CADPS2: variants seen among roughly 807,000 people sequenced by gnomAD.
CADPS2 encodes calcium dependent secretion activator 2.
A neutral mutation model predicts 172.5 loss-of-function variants in CADPS2; 93 were observed. The ratio of observed to expected loss-of-function variants is 0.54; its 90% CI spans 0.46 to 0.64. CADPS2 has a LOEUF of 0.64. CADPS2 is among the 30% of genes least tolerant of loss of function. CADPS2 has a pLI of 0.00. For synonymous variants in CADPS2, 546 were observed against 555.2 expected, an observed-to-expected ratio of 0.98 and a Z score of 0.23; for missense variants, 1,420 against 1,565.9, an observed-to-expected ratio of 0.91 and a Z score of 1.57.
intron 1 of CADPS2, among the ~76,000 whole-genome samples, chr7:122,742,126 C>G (rs1400586628): frequency 6.6e-6 from 1 of 152,146 alleles, no homozygotes; most frequent in Non-Finnish European, 1.5e-5. Context: ...CGCAGCGGCT[C>G]ATGCCTGTAA....
At chr7:122,491,026 A>G (rs979162675) in intron 10 of CADPS2, among the ~76,000 whole-genome samples, 5 of 152,198 alleles carry the variant, frequency 3.3e-5, no homozygotes, top group African/African-American at 1.2e-4. Context: ...TTTCCCGCAA[A>G]GAAGTTTCTG....
intron 3 of CADPS2, among the ~76,000 whole-genome samples, chr7:122,632,982 T>C (rs779642584): frequency 6.6e-6 from 1 of 152,054 alleles, no homozygotes; most frequent in Non-Finnish European, 1.5e-5. Flanking sequence ...TTTTTGTTGA[T>C]TTTATCAAAG....
At chr7:122,775,401 GT>G (rs1023735252) in intron 1 of CADPS2, among the ~76,000 whole-genome samples, 6 of 152,156 alleles carry the variant, frequency 3.9e-5, no homozygotes, top group Non-Finnish European at 8.8e-5. Flanking sequence ...ATCCCAAAGG[GT>G]GATTCAAGGT....
chr7:122,765,500 T>C (rs1159716575), intron 1 of CADPS2, among the ~76,000 whole-genome samples: 2 of 152,242 alleles, frequency 1.3e-5, no homozygotes, highest in Middle Eastern at 3.4e-3. Context: ...TCTAAAGGAC[T>C]ATGGTATCAA....
intron 25 of CADPS2, among the ~76,000 whole-genome samples, chr7:122,362,182 T>C (rs1002098662): frequency 6.6e-6 from 1 of 152,302 alleles, no homozygotes; most frequent in East Asian, 1.9e-4. Context: ...TATGACACAA[T>C]GGCTGACATT....
intron 25 of CADPS2, among the ~76,000 whole-genome samples, chr7:122,369,396 G>T (rs949372481): frequency 1.3e-5 from 2 of 152,086 alleles, no homozygotes; most frequent in African/African-American, 2.4e-5. Flanking sequence ...CTCCCAAAGT[G>T]CTGGGATTAC....
intron 17 of CADPS2, among the ~76,000 whole-genome samples, chr7:122,419,705 G>T (rs930688779): frequency 6.6e-6 from 1 of 151,724 alleles, no homozygotes; most frequent in African/African-American, 2.4e-5. Flanking sequence ...CATAAATATT[G>T]CACTTATATA....
At chr7:122,533,928 T>C (rs1226175549) in intron 8 of CADPS2, among the ~76,000 whole-genome samples, 1 of 152,104 alleles carries the variant, frequency 6.6e-6, no homozygotes, top group Non-Finnish European at 1.5e-5. Context: ...TAATGGGGTG[T>C]ATGAGAGAAC....
intron 11 of CADPS2, among the ~76,000 whole-genome samples, chr7:122,483,411 C>A (rs545943891): frequency 2.6e-5 from 4 of 151,672 alleles, no homozygotes; most frequent in African/African-American, 9.7e-5. Flanking sequence ...TACTTTTTTT[C>A]GTATATAAAG....
chr7:122,760,526 C>A (rs2093341731), intron 1 of CADPS2, among the ~76,000 whole-genome samples: 1 of 151,916 alleles, frequency 6.6e-6, no homozygotes, highest in African/African-American at 2.4e-5. Context: ...AAATCCTAAC[C>A]TGATAATGTA....
chr7:122,429,961 C>T (rs756324304), intron 17 of CADPS2, among the ~76,000 whole-genome samples: 5 of 151,814 alleles, frequency 3.3e-5, no homozygotes, highest in Non-Finnish European at 7.4e-5. Context: ...TTATTGCTAT[C>T]GTGTACAATG....
chr7:122,422,207 G>T (rs886333545), intron 17 of CADPS2: 7 of 152,212 alleles, frequency 4.6e-5, no homozygotes, highest in African/African-American at 1.7e-4. Context: ...CAATAGCAGG[G>T]ATATGAGCAC....
rs115222540 is a variant in CADPS2, at chr7:122,403,429, T to C, written c.2746+4111A>G. ...TAAAATAAAAGCCAAGACCTAGACTTACCCTCAAAACTGAGTGCTCAAAAG... is the reference window on the plus strand; with the variant it reads ...TAAAATAAAAGCCAAGACCTAGACTCACCCTCAAAACTGAGTGCTCAAAAG... On this transcript the variant is annotated intron_variant, in intron 20 of 29. Coordinates refer to ENST00000449022, the MANE Select transcript of CADPS2 (RefSeq NM_017954.11). Among the ~76,000 whole-genome samples the C allele has an allele frequency of 7.0e-3, 1,065 of 152,298 alleles. 13 individuals are homozygous for C. The highest frequency in any genetic ancestry group is 0.025 in the African/African-American group (1,028 of 41,564).
At chr7:122,574,078 G>T (rs2132608718) in intron 7 of CADPS2, among the ~76,000 whole-genome samples, 1 of 152,064 alleles carries the variant, frequency 6.6e-6, no homozygotes, top group South Asian at 2.1e-4. Flanking sequence ...CGGTATTTTT[G>T]AAATTATTTA....
chr7:122,622,173 G>A (rs150186715), intron 4 of CADPS2, among the ~76,000 whole-genome samples: 149 of 152,180 alleles, frequency 9.8e-4, no homozygotes, highest in African/African-American at 3.4e-3. Context: ...ACAGATATGC[G>A]TTGTTGGAAG....
chr7:122,430,941 G>A (rs757627943), intron 17 of CADPS2, among the ~76,000 whole-genome samples: 1 of 152,196 alleles, frequency 6.6e-6, no homozygotes, highest in Non-Finnish European at 1.5e-5. Context: ...GCAGCACACT[G>A]AATTACAAAA....
chr7:122,736,968 C>T lies in CADPS2; in HGVS notation c.440G>A (p.Arg147Gln), dbSNP rs187155107. 3 of 1,600,538 alleles carry T rather than the reference C, an allele frequency of 1.9e-6. No homozygotes were observed. The highest frequency in any genetic ancestry group is 1.1e-5 in the South Asian group (1 of 90,696). ...VADEAFCNAV[R>Q]SYYEVFLKSD... ...CTTCAAACTTACCTCATAATAACTCCGAACTGCGTTGCAAAATGCTTCGTC... is the reference window on the plus strand; with the variant it reads ...CTTCAAACTTACCTCATAATAACTCTGAACTGCGTTGCAAAATGCTTCGTC... Residue 147 changes from arginine (R) to glutamine (Q), a missense_variant, in exon 2 of 30, where the codon CGG (arginine) becomes CAG (glutamine). Transcript: ENST00000449022.
chr7:122,393,251 G>C lies in CADPS2; in HGVS notation c.2953C>G (p.Pro985Ala). The stretch of plus-strand genomic sequence containing the variant: ...GCAGTAGAAATGTTAGGAATCTGTG[G>C]AAGATTAAGAGGCAGACTTGGAACT... ...PKVPSLPLNL[P>A]QIPNISTASW... The change falls in exon 22 of 30, where the codon CCA (proline) becomes GCA (alanine). Residue 985 changes from proline to alanine, a missense_variant. By Grantham distance (27) the Pro-to-Ala change is conservative. Coordinates refer to ENST00000449022, the MANE Select transcript of CADPS2 (RefSeq NM_017954.11). 1 of 1,613,852 alleles carries C rather than the reference G, an allele frequency of 6.2e-7. No homozygotes were observed. The highest frequency in any genetic ancestry group is 8.5e-7 in the Non-Finnish European group (1 of 1,179,800).
intron 1 of CADPS2, among the ~76,000 whole-genome samples, chr7:122,740,973 C>T (rs2092442420): frequency 6.6e-6 from 1 of 152,084 alleles, no homozygotes; most frequent in South Asian, 2.1e-4. Context: ...ATCAGCAATT[C>T]CACTTTGAGA....
Sources: allele counts gnomAD v4.1 joint callset (sites outside exome capture counted in the v4.1 genomes callset), GRCh38; gene constraint gnomAD v4.1.1; transcripts MANE v1.5; gene names NCBI Gene and HGNC (gene_info 2026-07-23, HGNC 2026-07-21).